Variants in RAD21 observed in about 807,000 individuals in gnomAD.
The protein encoded by RAD21 is RAD21 cohesin complex component, also known as double-strand-break repair protein rad21 homolog.
RAD21 carries 18 observed loss-of-function variants against 71.5 expected under a neutral mutation model. The observed-to-expected ratio is 0.25, with a 90% CI of 0.17 to 0.37. The LOEUF is 0.37. Among genes scored for constraint, RAD21 ranks in the 10% least tolerant of loss-of-function variants. The pLI, the probability that RAD21 is intolerant of heterozygous loss-of-function variation, is 1.00. For synonymous variants in RAD21, 248 were observed against 254.0 expected, an observed-to-expected ratio of 0.98 and a Z score of 0.22; for missense variants, 493 against 769.1, an observed-to-expected ratio of 0.64 and a Z score of 4.25.
At position 116,854,776 on chromosome 8, in the gene RAD21, G is replaced by T. The variant is rs146996988; in HGVS notation, c.938-308C>A. On this transcript the variant is annotated intron_variant, in intron 8 of 13. Transcript: ENST00000297338. ...TATGTAGTTTTATACTGTAAACAAT[G>T]AACATATCACACTCTTCAGAGTTGG... Among the ~76,000 whole-genome samples, 344 of 152,232 alleles carry T rather than the reference G, an allele frequency of 2.3e-3. 1 individual carries two copies. Among genetic ancestry groups the T allele is most frequent in the African/African-American group, 8.0e-3 (333 of 41,570 alleles).
At position 116,874,755 on chromosome 8, in the gene RAD21, G is replaced by C; in HGVS notation, c.-177C>G. ...CCGCCACAGCCGGCGCCTCCTTTCC[G>C]ATTCACTCAAACAAACAAGATGGCT... On this transcript the variant is annotated 5_prime_UTR_variant, in exon 1 of 14. The change creates a new upstream start codon in the 5' untranslated region. Coordinates refer to ENST00000297338, the MANE Select transcript of RAD21 (RefSeq NM_006265.3). The C allele has an allele frequency of 2.2e-6, 1 of 455,986 alleles. No individual in the cohort carries two copies. The highest frequency in any genetic ancestry group is 4.4e-6 in the Non-Finnish European group (1 of 226,560). The allele number at this position is 455,986 out of a possible 1,614,324, so 28.2% of individuals were successfully genotyped here.
chr8:116,858,929 T>C (rs191805240), intron 4 of RAD21, among the ~76,000 whole-genome samples: 25 of 151,942 alleles, frequency 1.6e-4, no homozygotes, highest in Admixed American at 1.1e-3. Context: ...CTATCAGCCA[T>C]ATCCAGAACA....
At position 116,852,713 on chromosome 8, in the gene RAD21, TAA is replaced by T. The variant is rs369816312; in HGVS notation, c.1162-7_1162-6del. 541 of 1,173,490 alleles carry T rather than the reference TAA, an allele frequency of 4.6e-4. No homozygotes were observed. Among genetic ancestry groups the T allele is most frequent in the South Asian group, 1.6e-3 (74 of 47,672 alleles). The allele number at this position is 1,173,490 out of a possible 1,614,324, so 72.7% of individuals were successfully genotyped here. ...TGTAAGACAGCGTGTAAAGAGCTAT[TAA>T]AAAAAAAAAAAAGAAAAATTTCAAT... On this transcript the variant is annotated splice_polypyrimidine_tract_variant and splice_region_variant and intron_variant, in intron 9 of 13. Coordinates refer to ENST00000297338, the MANE Select transcript of RAD21 (RefSeq NM_006265.3).
At chr8:116,871,291 T>C (rs762305397) in intron 1 of RAD21, among the ~76,000 whole-genome samples, 13 of 152,194 alleles carry the variant, frequency 8.5e-5, no homozygotes, top group Non-Finnish European at 1.5e-4. Flanking sequence ...AAAATCTGCA[T>C]TTGATACCAG....
intron 12 of RAD21, among the ~76,000 whole-genome samples, chr8:116,850,330 T>G (rs555749366): frequency 6.6e-6 from 1 of 152,016 alleles, no homozygotes; most frequent in Non-Finnish European, 1.5e-5. Context: ...GACCACAAGA[T>G]AGTAAAAGCA....
intron 4 of RAD21, among the ~76,000 whole-genome samples, chr8:116,859,267 T>C (rs937374440): frequency 2.0e-5 from 3 of 152,170 alleles, no homozygotes; most frequent in African/African-American, 4.8e-5. Context: ...AGCAAGTCTG[T>C]TGGTGCCATT....
chr8:116,865,607 T>C (rs894597764), intron 2 of RAD21, among the ~76,000 whole-genome samples: 1 of 152,120 alleles, frequency 6.6e-6, no homozygotes, highest in Non-Finnish European at 1.5e-5. Context: ...CTTAAGGGCG[T>C]GAACAAACAT....
In RAD21 at chr8:116,847,614, G is replaced by C. The variant is rs61737172; in HGVS notation, c.1782C>G (p.Ala594=). Residue 594 remains alanine, a synonymous_variant, in exon 14 of 14, where the codon GCC becomes GCG. Coordinates refer to ENST00000297338, the MANE Select transcript of RAD21 (RefSeq NM_006265.3). ...LCRNTNRKQA[A]AKFYSFLVLK... The stretch of plus-strand genomic sequence containing the variant: ...GAACCAAGAAGCTGTAGAACTTTGC[G>C]GCAGCTTGTTTTCTGTTCGTATTTC... 1.2e-6 allele frequency: 2 copies of C among 1,614,022 alleles called. No homozygotes were observed.
At position 116,852,622 on chromosome 8, in the gene RAD21, G is replaced by A. The variant is rs754547706; in HGVS notation, c.1248C>T (p.Phe416=). The A allele has an allele frequency of 6.2e-7, 1 of 1,613,082 alleles. No individual in the cohort carries two copies. Among genetic ancestry groups the A allele is most frequent in the Non-Finnish European group, 8.5e-7 (1 of 1,179,570 alleles). Residue 416 remains phenylalanine (F), a synonymous_variant, in exon 10 of 14, where the codon TTC becomes TTT. Coordinates refer to ENST00000297338, the MANE Select transcript of RAD21 (RefSeq NM_006265.3). ...CCTCTGGATTTTCAAATTCTTTGAG[G>A]AATTCATCCAAATTATCTGCCTCTC... ...KGGEADNLDE[F]LKEFENPEVP... is the part of the protein sequence containing the mutation.
At chr8:116,866,858 TG>T (rs1812704826) in intron 1 of RAD21, 97 bp from the exon 2 acceptor site, 1 of 748,624 alleles carries the variant, frequency 1.3e-6, no homozygotes, top group South Asian at 4.1e-5. Context: ...CTCTTTAATA[TG>T]AAAACTATAA....
chr8:116,862,871 A>C (rs929052711), intron 3 of RAD21, among the ~76,000 whole-genome samples: 1 of 152,148 alleles, frequency 6.6e-6, no homozygotes, highest in African/African-American at 2.4e-5. Flanking sequence ...GCTGCTGAAA[A>C]AAGTATTAAA....
chr8:116,847,427 C>G lies in RAD21; in HGVS notation c.*73G>C. On this transcript the variant is annotated 3_prime_UTR_variant, in exon 14 of 14. Coordinates refer to ENST00000297338, the MANE Select transcript of RAD21 (RefSeq NM_006265.3). Reference sequence around the variant, plus strand: ...AAAATCTAAGTTTTCTCAAAGGGTTCTGTGTCCCCTACACATGGGGGCAAT... The same window carrying G: ...AAAATCTAAGTTTTCTCAAAGGGTTGTGTGTCCCCTACACATGGGGGCAAT... 1.5e-6 allele frequency: 2 copies of G among 1,292,716 alleles called. No homozygotes were observed. The highest frequency in any genetic ancestry group is 3.1e-5 in the South Asian group (2 of 64,170). The allele number at this position is 1,292,716 out of a possible 1,614,324, so 80.1% of individuals were successfully genotyped here.
At position 116,874,638 on chromosome 8, in the gene RAD21, C is replaced by T; in HGVS notation, c.-60G>A. ...TGCTCTCCGCTGGGAGTTGGGCGGG[C>T]TGGGTGGCCCGGGGAGGGGAAAAGG... On this transcript the variant is annotated 5_prime_UTR_variant, in exon 1 of 14. Coordinates refer to ENST00000297338, the MANE Select transcript of RAD21 (RefSeq NM_006265.3). 1 of 262,142 alleles carries T rather than the reference C, an allele frequency of 3.8e-6. No individual in the cohort carries two copies. The highest frequency in any genetic ancestry group is 6.2e-5 in the Admixed American group (1 of 16,196). The allele number at this position is 262,142 out of a possible 1,614,324, so 16.2% of individuals were successfully genotyped here. A position where few individuals can be genotyped will look rare whatever the true frequency, so the allele number is the denominator to read the frequency against.
chr8:116,850,195 A>G (rs976481582), intron 12 of RAD21, among the ~76,000 whole-genome samples: 2 of 152,232 alleles, frequency 1.3e-5, no homozygotes, highest in Admixed American at 6.5e-5. Flanking sequence ...TGGTCCAAGT[A>G]AAAGAAAAAC....
At chr8:116,848,780 A>G (rs1277717839) in intron 13 of RAD21, 166 bp downstream of exon 13, 2 of 450,518 alleles carry the variant, frequency 4.4e-6, no homozygotes, top group African/African-American at 2.0e-5. Context: ...AAAAGAAAAG[A>G]AAACTCTCCC....
At chr8:116,867,918 G>A (rs576354564) in intron 1 of RAD21, among the ~76,000 whole-genome samples, 1 of 152,262 alleles carries the variant, frequency 6.6e-6, no homozygotes, top group East Asian at 1.9e-4. Flanking sequence ...ATGCAGATGT[G>A]TATAATCACC....
intron 12 of RAD21, among the ~76,000 whole-genome samples, chr8:116,849,687 T>C (rs1385182519): frequency 6.6e-6 from 1 of 152,160 alleles, no homozygotes; most frequent in Non-Finnish European, 1.5e-5. Context: ...TGAAACTATA[T>C]ACCAGCCATA....
At chr8:116,855,713 T>G (rs1812447601) in intron 8 of RAD21, among the ~76,000 whole-genome samples, 1 of 152,020 alleles carries the variant, frequency 6.6e-6, no homozygotes, top group Non-Finnish European at 1.5e-5. Flanking sequence ...GTTTTGTTTT[T>G]TTTTTAAAAA....
chr8:116,854,841 T>C (rs1160455058), intron 8 of RAD21, among the ~76,000 whole-genome samples: 1 of 152,178 alleles, frequency 6.6e-6, no homozygotes, highest in Non-Finnish European at 1.5e-5. Flanking sequence ...TCACTCAAAC[T>C]CACAGATTGA....
Sources: allele counts gnomAD v4.1 joint callset (sites outside exome capture counted in the v4.1 genomes callset), GRCh38; gene constraint gnomAD v4.1.1; transcripts MANE v1.5; gene names NCBI Gene and HGNC (gene_info 2026-07-23, HGNC 2026-07-21).